The following PACS1 variants were observed in gnomAD, a reference collection of about 807,000 sequenced individuals.
The protein encoded by PACS1 is PACS-1.
In PACS1, 24 loss-of-function variants were observed where a neutral mutation model predicts 115.0. The ratio of observed to expected loss-of-function variants is 0.21; its 90% CI spans 0.15 to 0.29. PACS1 has a LOEUF of 0.29. Among genes scored for constraint, PACS1 ranks in the 10% least tolerant of loss-of-function variants. The probability of loss-of-function intolerance (pLI) is 1.00; values close to 1 mark genes in which losing one functional copy is unlikely to be tolerated. For synonymous variants in PACS1, 453 were observed against 504.5 expected, an observed-to-expected ratio of 0.90 and a Z score of 1.37; for missense variants, 838 against 1,251.2, an observed-to-expected ratio of 0.67 and a Z score of 4.98.
At chr11:66,148,501 A>G (rs1859172656) in intron 1 of PACS1, among the ~76,000 whole-genome samples, 1 of 152,250 alleles carries the variant, frequency 6.6e-6, no homozygotes, top group Admixed American at 6.5e-5. Context: ...CAGTTTTAAG[A>G]ACACATATCA....
chr11:66,119,741 G>T (rs542704694), intron 1 of PACS1, among the ~76,000 whole-genome samples: 1 of 152,342 alleles, frequency 6.6e-6, no homozygotes, highest in South Asian at 2.1e-4. Context: ...TCTGGTGTGA[G>T]TCAGAATGAT....
chr11:66,159,559 G>A (rs1019960897), intron 1 of PACS1, among the ~76,000 whole-genome samples: 1 of 152,212 alleles, frequency 6.6e-6, no homozygotes, highest in African/African-American at 2.4e-5. Flanking sequence ...ACCAGTGCCT[G>A]CTTCCCCACA....
intron 1 of PACS1, among the ~76,000 whole-genome samples, chr11:66,186,032 C>G (rs766551659): frequency 1.3e-5 from 2 of 151,936 alleles, no homozygotes; most frequent in Non-Finnish European, 2.9e-5. Context: ...TTTGGGAGGC[C>G]GAGGCAGGAG....
chr11:66,224,253 A>G (rs977348135), intron 10 of PACS1, among the ~76,000 whole-genome samples: 1 of 151,002 alleles, frequency 6.6e-6, no homozygotes, highest in Non-Finnish European at 1.5e-5. Context: ...ATGATGGCCT[A>G]AGGGCCTCTG....
chr11:66,224,150 C>T (rs1254979391), intron 10 of PACS1, among the ~76,000 whole-genome samples: 2 of 151,126 alleles, frequency 1.3e-5, no homozygotes, highest in Admixed American at 1.3e-4. Context: ...GAGCCAAGAT[C>T]CCGCCACTGC....
intron 4 of PACS1, among the ~76,000 whole-genome samples, chr11:66,212,943 G>C (rs554694410): frequency 6.6e-6 from 1 of 152,104 alleles, no homozygotes; most frequent in Non-Finnish European, 1.5e-5. Flanking sequence ...TCTACCTCCC[G>C]GGTTCCAGCA....
intron 1 of PACS1, among the ~76,000 whole-genome samples, chr11:66,122,126 A>G (rs1020603094): frequency 6.6e-5 from 10 of 152,346 alleles, no homozygotes; most frequent in Middle Eastern, 6.8e-3. Flanking sequence ...GCCAATGCTC[A>G]TTGACTATTC....
intron 1 of PACS1, among the ~76,000 whole-genome samples, chr11:66,089,822 C>A (rs1857627638): frequency 6.6e-6 from 1 of 151,792 alleles, no homozygotes; most frequent in African/African-American, 2.4e-5. Flanking sequence ...CTGGCTAACA[C>A]AGTGAAACCC....
intron 1 of PACS1, among the ~76,000 whole-genome samples, chr11:66,162,878 T>G (rs945049337): frequency 6.6e-6 from 1 of 152,228 alleles, no homozygotes; most frequent in South Asian, 2.1e-4. Flanking sequence ...AAGATACCAT[T>G]TTAGATATCA....
At chr11:66,206,683 G>T (rs532390509) in intron 2 of PACS1, among the ~76,000 whole-genome samples, 1 of 152,220 alleles carries the variant, frequency 6.6e-6, no homozygotes, top group Admixed American at 6.5e-5. Context: ...AAGATAAAGG[G>T]GACCGAGAGG....
intron 10 of PACS1, 23 bp downstream of exon 10, chr11:66,221,270 G>T (rs748795752): frequency 6.2e-7 from 1 of 1,603,386 alleles, no homozygotes; most frequent in African/African-American, 1.3e-5. Context: ...GCGACTGCGG[G>T]GCGGGGTGGG....
chr11:66,152,717 T>C (rs533452573), intron 1 of PACS1, among the ~76,000 whole-genome samples: 2 of 152,272 alleles, frequency 1.3e-5, no homozygotes, highest in East Asian at 3.9e-4. Context: ...GCACATTACG[T>C]CTCTGAACTT....
At position 66,236,038 on chromosome 11, in the gene PACS1, T is replaced by C. The variant is rs1200307783; in HGVS notation, c.2250+98T>C. 2 of 1,150,860 alleles carry C rather than the reference T, an allele frequency of 1.7e-6. No homozygotes were observed. Among genetic ancestry groups the C allele is most frequent in the African/African-American group, 3.0e-5 (2 of 65,846 alleles). The allele number at this position is 1,150,860 out of a possible 1,614,324, so 71.3% of individuals were successfully genotyped here. A position where few individuals can be genotyped will look rare whatever the true frequency, so the allele number is the denominator to read the frequency against. On this transcript the variant is annotated intron_variant, in intron 19 of 23. Coordinates refer to ENST00000320580, the MANE Select transcript of PACS1 (RefSeq NM_018026.4). The surrounding 1 kb of genome is among the most constrained non-coding windows in gnomAD (Gnocchi z 4.2). ...ACAAAAGATTCATCTAGAACAGTGG[T>C]TCTCCAGACACTGGAGATTTTGCCT...
In PACS1 at chr11:66,243,172, C is replaced by A; in HGVS notation, c.2784C>A (p.Ile928=). 6.2e-7 allele frequency: 1 copy of A among 1,613,422 alleles called. No homozygotes were observed. Among genetic ancestry groups the A allele is most frequent in the South Asian group, 1.1e-5 (1 of 91,014 alleles). The change falls in exon 24 of 24, where the codon ATC becomes ATA. Residue 928 remains isoleucine (I), a synonymous_variant. Coordinates refer to ENST00000320580, the MANE Select transcript of PACS1 (RefSeq NM_018026.4). The part of the protein sequence containing the change: ...KQQQTMLRVS[I]DGVEWSDIKF... ...CTCTCCTGTCACCCCTAGTGTCCAT[C>A]GATGGGGTCGAGTGGAGTGACATCA...
chr11:66,205,538 T>C (rs1394651921), intron 2 of PACS1, among the ~76,000 whole-genome samples: 1 of 151,826 alleles, frequency 6.6e-6, no homozygotes, highest in Non-Finnish European at 1.5e-5. Flanking sequence ...ATATATGCCA[T>C]GTACCCATAA....
chr11:66,180,858 C>T (rs1859994642), intron 1 of PACS1, among the ~76,000 whole-genome samples: 1 of 152,010 alleles, frequency 6.6e-6, no homozygotes, highest in Admixed American at 6.5e-5. Flanking sequence ...GTGGTTTCAC[C>T]ATGTTGCCCA....
At chr11:66,140,930 T>G (rs1858966443) in intron 1 of PACS1, among the ~76,000 whole-genome samples, 1 of 152,170 alleles carries the variant, frequency 6.6e-6, no homozygotes, top group Non-Finnish European at 1.5e-5. Context: ...GTTTTCTTTC[T>G]TATTGGTATC....
intron 1 of PACS1, among the ~76,000 whole-genome samples, chr11:66,079,344 G>A (rs1283687969): frequency 2.4e-5 from 3 of 125,984 alleles, no homozygotes; most frequent in Non-Finnish European, 5.0e-5. Flanking sequence ...CTGGGAAAAG[G>A]TCTGGGTAAA....
At chr11:66,181,459 C>T (rs1193872358) in intron 1 of PACS1, among the ~76,000 whole-genome samples, 1 of 152,048 alleles carries the variant, frequency 6.6e-6, no homozygotes, top group Non-Finnish European at 1.5e-5. Context: ...GGTGATCCAC[C>T]CACCTCAGCT....
Sources: gnomAD v4.1 joint callset for allele counts (sites outside exome capture counted in the v4.1 genomes callset) on GRCh38, gnomAD v4.1.1 for gene constraint, Gnocchi (gnomAD v3.1) non-coding constraint, MANE v1.5 for transcripts, NCBI Gene and HGNC (gene_info 2026-07-23, HGNC 2026-07-21) for gene names.